The following SMAP1 variants were observed in gnomAD, a reference collection of about 807,000 sequenced individuals.
The protein encoded by SMAP1 is stromal membrane-associated protein 1.
In SMAP1, 24 loss-of-function variants were observed where a neutral mutation model predicts 58.5. The observed-to-expected ratio is 0.41, with a 90% CI of 0.30 to 0.58. The LOEUF (loss-of-function observed/expected upper bound fraction) is 0.58, where lower values mean the gene tolerates loss of function less well. Ranked by LOEUF, SMAP1 falls within the 20% of genes least tolerant of loss-of-function variation. The pLI is 0.29. For synonymous variants in SMAP1, 216 were observed against 196.6 expected, an observed-to-expected ratio of 1.10 and a Z score of -0.82; for missense variants, 563 against 566.3, an observed-to-expected ratio of 0.99 and a Z score of 0.06.
At chr6:70,815,776 A>G (rs1480481968) in intron 6 of SMAP1, among the ~76,000 whole-genome samples, 1 of 152,090 alleles carries the variant, frequency 6.6e-6, no homozygotes, top group East Asian at 1.9e-4. Context: ...AAGTTTACAT[A>G]GACATATGTT....
At chr6:70,748,795 C>T (rs913489438) in intron 2 of SMAP1, among the ~76,000 whole-genome samples, 3 of 152,146 alleles carry the variant, frequency 2.0e-5, no homozygotes, top group African/African-American at 7.2e-5. Context: ...CTCCCTCCCA[C>T]TTCTGTCTCT....
At chr6:70,783,622 T>C (rs1271345828) in intron 4 of SMAP1, among the ~76,000 whole-genome samples, 3 of 152,114 alleles carry the variant, frequency 2.0e-5, no homozygotes, top group African/African-American at 7.2e-5. Context: ...CTGATGGAGC[T>C]GAAAGCCAAG....
At chr6:70,757,535 A>T (rs1766548037) in intron 3 of SMAP1, among the ~76,000 whole-genome samples, 1 of 151,716 alleles carries the variant, frequency 6.6e-6, no homozygotes, top group African/African-American at 2.4e-5. Flanking sequence ...TAATTAAACT[A>T]AAGAGCTTCT....
At chr6:70,676,899 C>G (rs569805529) in intron 1 of SMAP1, among the ~76,000 whole-genome samples, 44 of 152,246 alleles carry the variant, frequency 2.9e-4, no homozygotes, top group Non-Finnish European at 5.9e-4. Context: ...CCACCTGCCA[C>G]AGCCTCCCAA....
chr6:70,786,390 C>T lies in SMAP1; in HGVS notation c.415-5299C>T, dbSNP rs1165845881. On this transcript the variant is annotated intron_variant, in intron 4 of 10. Coordinates refer to ENST00000370455, the MANE Select transcript of SMAP1 (RefSeq NM_001044305.3). ...TGGAAGCATTCCCTTTGAAAACGGG[C>T]ACAAGACAGGGATGCCCTCTCTCAC... is the stretch of plus-strand genomic sequence containing the variant. 2.8e-5 allele frequency among the ~76,000 whole-genome samples: 4 copies of T among 141,900 alleles called. No homozygotes were observed. The East Asian group carries it at 6.1e-4, about 22-fold the overall frequency. The allele number at this position is 141,900 out of a possible 152,430, so 93.1% of individuals were successfully genotyped here.
intron 1 of SMAP1, among the ~76,000 whole-genome samples, chr6:70,715,534 C>A (rs950425040): frequency 2.6e-5 from 4 of 152,156 alleles, no homozygotes; most frequent in Admixed American, 6.6e-5. Flanking sequence ...CTCTCTTCTG[C>A]AACTCTGATA....
At position 70,861,435 on chromosome 6, in the gene SMAP1, GA is replaced by G. The variant is rs943614300; in HGVS notation, c.*1105del. 142 of 523,676 alleles carry G rather than the reference GA, an allele frequency of 2.7e-4. 1 individual carries two copies. The highest frequency in any genetic ancestry group is 4.5e-4 in the Middle Eastern group (1 of 2,220). 32.4% of individuals were successfully genotyped at this position (523,676 alleles called of 1,614,324 possible). A position where few individuals can be genotyped will look rare whatever the true frequency, so the allele number is the denominator to read the frequency against. ...AATCTTCCAATTTAGTTGTTGTAGA[GA>G]AAACATGCAGAACAAATGAAGACAA... On this transcript the variant is annotated 3_prime_UTR_variant, in exon 11 of 11. Coordinates refer to ENST00000370455, the MANE Select transcript of SMAP1 (RefSeq NM_001044305.3).
At chr6:70,736,408 A>G (rs1236575659) in intron 2 of SMAP1, among the ~76,000 whole-genome samples, 1 of 151,446 alleles carries the variant, frequency 6.6e-6, no homozygotes, top group Non-Finnish European at 1.5e-5. Flanking sequence ...CCCACCCAAG[A>G]TATTATACAT....
chr6:70,783,008 C>T (rs960632464), intron 4 of SMAP1, among the ~76,000 whole-genome samples: 9 of 152,108 alleles, frequency 5.9e-5, no homozygotes, highest in Admixed American at 2.0e-4. Context: ...CCCTGACCCT[C>T]GAGCAGCCTA....
intron 6 of SMAP1, among the ~76,000 whole-genome samples, chr6:70,828,884 A>G (rs1770247094): frequency 6.6e-6 from 1 of 152,092 alleles, no homozygotes; most frequent in South Asian, 2.1e-4. Flanking sequence ...ACCCCAACAG[A>G]ACAAAACAAA....
chr6:70,838,155 A>G (rs931033442), intron 7 of SMAP1, among the ~76,000 whole-genome samples: 12 of 152,192 alleles, frequency 7.9e-5, no homozygotes, highest in Non-Finnish European at 1.5e-4. Context: ...AATTATTATT[A>G]AAGTAAAAAA....
intron 1 of SMAP1, among the ~76,000 whole-genome samples, chr6:70,696,386 A>G (rs191452297): frequency 3.0e-4 from 46 of 152,234 alleles, no homozygotes; most frequent in Non-Finnish European, 5.3e-4. Context: ...GCTTATTGCT[A>G]TAAACTTTCC....
intron 3 of SMAP1, among the ~76,000 whole-genome samples, chr6:70,758,238 G>A (rs974218419): frequency 6.6e-6 from 1 of 151,774 alleles, no homozygotes. Flanking sequence ...GATGAAATTG[G>A]AAATCATCAT....
intron 3 of SMAP1, among the ~76,000 whole-genome samples, chr6:70,769,844 G>T (rs1767192271): frequency 2.0e-5 from 3 of 152,258 alleles, no homozygotes; most frequent in East Asian, 1.9e-4. Context: ...TTTCTTCCTA[G>T]CCTTGAAGGT....
chr6:70,767,779 A>G (rs907690984), intron 3 of SMAP1, among the ~76,000 whole-genome samples: 9 of 138,442 alleles, frequency 6.5e-5, no homozygotes, highest in Non-Finnish European at 1.4e-4. Context: ...CAGAACTTCC[A>G]ACACTATGTT....
intron 2 of SMAP1, among the ~76,000 whole-genome samples, chr6:70,754,561 A>G (rs1316668614): frequency 6.6e-6 from 1 of 152,078 alleles, no homozygotes; most frequent in Admixed American, 6.6e-5. Flanking sequence ...TTGATTGTAA[A>G]TCAGTAGAAT....
chr6:70,816,383 T>G (rs1769630861), intron 6 of SMAP1, among the ~76,000 whole-genome samples: 1 of 152,108 alleles, frequency 6.6e-6, no homozygotes, highest in Non-Finnish European at 1.5e-5. Context: ...GGCTGTAGTA[T>G]GTAGGATGGA....
At chr6:70,710,127 C>T (rs557905478) in intron 1 of SMAP1, among the ~76,000 whole-genome samples, 17 of 151,986 alleles carry the variant, frequency 1.1e-4, no homozygotes, top group Non-Finnish European at 2.4e-4. Context: ...ATACTGTAGG[C>T]AATTGTAGCA....
intron 6 of SMAP1, among the ~76,000 whole-genome samples, chr6:70,819,280 T>A (rs1382822785): frequency 6.6e-6 from 1 of 151,380 alleles, no homozygotes; most frequent in Non-Finnish European, 1.5e-5. Context: ...AACAAAAAGA[T>A]GAGCTGCCAG....
Sources: gnomAD v4.1 joint callset for allele counts (sites outside exome capture counted in the v4.1 genomes callset) on GRCh38, gnomAD v4.1.1 for gene constraint, MANE v1.5 for transcripts, NCBI Gene and HGNC (gene_info 2026-07-23, HGNC 2026-07-21) for gene names.